UBE3C: variants seen among roughly 807,000 people sequenced by gnomAD.
The protein encoded by UBE3C is ubiquitin-protein ligase E3C.
Under a neutral mutation model 129.4 loss-of-function variants are expected in UBE3C, and 42 were observed. The ratio of observed to expected loss-of-function variants is 0.32; its 90% CI spans 0.25 to 0.42. The LOEUF (loss-of-function observed/expected upper bound fraction) is 0.42, where lower values mean the gene tolerates loss of function less well. Ranked by LOEUF, UBE3C falls within the 10% of genes least tolerant of loss-of-function variation. The pLI, the probability that UBE3C is intolerant of heterozygous loss-of-function variation, is 1.00. For synonymous variants in UBE3C, 510 were observed against 492.4 expected, an observed-to-expected ratio of 1.04 and a Z score of -0.47; for missense variants, 1,049 against 1,319.1, an observed-to-expected ratio of 0.80 and a Z score of 3.17.
At chr7:157,158,050 CTTTTTTTT>C (rs60257662) in intron 1 of UBE3C, among the ~76,000 whole-genome samples, 2,272 of 101,130 alleles carry the variant, frequency 0.022, 66 homozygotes, top group African/African-American at 0.073. Context: ...CTCTTTTTTC[CTTTTTTTT>C]TTTTTTTTTT....
rs1797157250 is a variant in UBE3C, at chr7:157,269,099, A to T, written c.*1344A>T. 6.6e-6 allele frequency: 1 copy of T among 151,176 alleles called. No homozygotes were observed. Among genetic ancestry groups the T allele is most frequent in the South Asian group, 2.1e-4 (1 of 4,834 alleles). The allele number at this position is 151,176 out of a possible 1,614,324, so 9.4% of individuals were successfully genotyped here. A position where few individuals can be genotyped will look rare whatever the true frequency, so the allele number is the denominator to read the frequency against. On this transcript the variant is annotated 3_prime_UTR_variant, in exon 23 of 23. Coordinates refer to ENST00000348165, the MANE Select transcript of UBE3C (RefSeq NM_014671.3). Reference sequence around the variant, plus strand: ...TATAATTTCTTAATTTGAATAATAAATTAAGCGTTTAAATGCTATTTGTAG... The same window carrying T: ...TATAATTTCTTAATTTGAATAATAATTTAAGCGTTTAAATGCTATTTGTAG...
intron 1 of UBE3C, among the ~76,000 whole-genome samples, chr7:157,151,399 T>G (rs1214253172): frequency 6.6e-6 from 1 of 152,216 alleles, no homozygotes; most frequent in Non-Finnish European, 1.5e-5. Flanking sequence ...GTGAGTTCAC[T>G]CGGAGAAGAT....
intron 21 of UBE3C, among the ~76,000 whole-genome samples, chr7:157,255,971 A>T (rs369631343): frequency 6.6e-6 from 1 of 152,104 alleles, no homozygotes; most frequent in African/African-American, 2.4e-5. Context: ...CTAGACACCC[A>T]TTGTCTGTCA....
Position 157,172,218 on chromosome 7 carries a change from T to A in UBE3C, c.342+1768T>A, listed in dbSNP as rs1262716617. On this transcript the variant is annotated intron_variant, in intron 4 of 22. Transcript: ENST00000348165. The stretch of plus-strand genomic sequence containing the variant: ...AGCTTAAATTTTTTTGTATTTTTAG[T>A]AGAGTCAGGTTTCACCATGTTGGCC... Among the ~76,000 whole-genome samples, 5 of 150,516 alleles carry A rather than the reference T, an allele frequency of 3.3e-5. No individual in the cohort carries two copies. The East Asian group carries it at 1.0e-3, about 30-fold the overall frequency.
At chr7:157,162,202 T>G (rs1808089110) in intron 1 of UBE3C, among the ~76,000 whole-genome samples, 1 of 152,182 alleles carries the variant, frequency 6.6e-6, no homozygotes, top group Non-Finnish European at 1.5e-5. Flanking sequence ...TTTAATTTTT[T>G]TTTCTTTTTT....
intron 8 of UBE3C, among the ~76,000 whole-genome samples, chr7:157,183,494 T>C (rs1217154367): frequency 6.6e-6 from 1 of 152,142 alleles, no homozygotes; most frequent in Non-Finnish European, 1.5e-5. Context: ...TTCTCCAGTG[T>C]CCCTCCCACA....
At chr7:157,234,744 G>A (rs1182438) in intron 18 of UBE3C, among the ~76,000 whole-genome samples, 78,542 of 152,058 alleles carry the variant, frequency 0.52, 23,234 homozygotes, top group Non-Finnish European at 0.66. Context: ...TATTTCAGGT[G>A]GCAGATTTCA....
chr7:157,183,768 A>G, intron 8 of UBE3C, 110 bp from the exon 9 acceptor site: 1 of 1,323,758 alleles, frequency 7.6e-7, no homozygotes, highest in Non-Finnish European at 1.0e-6. Flanking sequence ...TTTAAAAATA[A>G]GATCTGGTCA....
In UBE3C at chr7:157,174,817, T is replaced by C. The variant is rs1246849806; in HGVS notation, c.343-102T>C. On this transcript the variant is annotated intron_variant, in intron 4 of 22. Coordinates refer to ENST00000348165, the MANE Select transcript of UBE3C (RefSeq NM_014671.3). ...TTAACCATCTTTTGATTAGGTTTGA[T>C]TAAATGTGCATTGCCACTAAAGGAA... The C allele has an allele frequency of 7.9e-6, 6 of 763,870 alleles. No individual in the cohort carries two copies. The African/African-American group carries it at 1.1e-4, about 14-fold the overall frequency. The allele number at this position is 763,870 out of a possible 1,614,324, so 47.3% of individuals were successfully genotyped here.
intron 3 of UBE3C, 84 bp from the exon 4 acceptor site, chr7:157,170,220 A>C: frequency 8.0e-7 from 1 of 1,242,396 alleles, no homozygotes; most frequent in Non-Finnish European, 1.0e-6. Flanking sequence ...CATTCCTGTA[A>C]ACACAGCAAC....
intron 1 of UBE3C, among the ~76,000 whole-genome samples, chr7:157,162,680 C>T (rs1238545964): frequency 6.6e-6 from 1 of 151,940 alleles, no homozygotes; most frequent in African/African-American, 2.4e-5. Flanking sequence ...GCTGGGACTA[C>T]GGGCACATAC....
chr7:157,148,844 A>G (rs1469478754), intron 1 of UBE3C, among the ~76,000 whole-genome samples: 1 of 145,690 alleles, frequency 6.9e-6, no homozygotes, highest in Non-Finnish European at 1.5e-5. Context: ...CAAACTCCTG[A>G]TCTCCAGCGA....
At chr7:157,241,961 T>G (rs1313460644) in intron 18 of UBE3C, among the ~76,000 whole-genome samples, 1 of 152,148 alleles carries the variant, frequency 6.6e-6, no homozygotes, top group Non-Finnish European at 1.5e-5. Context: ...CAGGAAAATC[T>G]AGAGACAGAA....
intron 4 of UBE3C, among the ~76,000 whole-genome samples, chr7:157,171,976 G>A (rs1808391191): frequency 6.6e-6 from 1 of 150,828 alleles, no homozygotes; most frequent in Admixed American, 6.6e-5. Flanking sequence ...CATAGTGCTG[G>A]GATTACAGGC....
Position 157,207,779 on chromosome 7 carries a change from T to C in UBE3C, c.1653T>C (p.Asp551=). ...TAATGTTGTCTCGATGCCTTCGAGA[T>C]GCATGCCTGGGGATCATCAAGTTGG... is the stretch of plus-strand genomic sequence containing the variant. The part of the protein sequence containing the change: ...ELIMLSRCLR[D]ACLGIIKLAY... The change falls in exon 13 of 23, where the codon GAT becomes GAC. Residue 551 remains aspartate, a synonymous_variant. Coordinates refer to ENST00000348165, the MANE Select transcript of UBE3C (RefSeq NM_014671.3). 1 of 1,614,180 alleles carries C rather than the reference T, an allele frequency of 6.2e-7. No individual in the cohort carries two copies. Among genetic ancestry groups the C allele is most frequent in the Middle Eastern group, 1.6e-4 (1 of 6,062 alleles).
chr7:157,202,380 G>T (rs1809313753), intron 11 of UBE3C, among the ~76,000 whole-genome samples: 1 of 152,194 alleles, frequency 6.6e-6, no homozygotes, highest in Non-Finnish European at 1.5e-5. Context: ...AAGCCGGCCG[G>T]GCGCGGTGGC....
At chr7:157,267,269 A>G (rs934901273) in intron 22 of UBE3C, among the ~76,000 whole-genome samples, 3 of 152,084 alleles carry the variant, frequency 2.0e-5, no homozygotes, top group Non-Finnish European at 4.4e-5. Context: ...GAAAAATCCA[A>G]AAATTAGCCA....
intron 1 of UBE3C, among the ~76,000 whole-genome samples, chr7:157,144,744 A>G (rs1807558811): frequency 6.6e-6 from 1 of 152,130 alleles, no homozygotes; most frequent in Non-Finnish European, 1.5e-5. Context: ...AATCAAGCAG[A>G]GGGTAGGGTT....
At chr7:157,180,487 A>G (rs771013104) in intron 6 of UBE3C, among the ~76,000 whole-genome samples, 7 of 152,166 alleles carry the variant, frequency 4.6e-5, no homozygotes, top group Non-Finnish European at 7.3e-5. Context: ...AGTACTGAGT[A>G]TGCATTGTTT....
Sources: allele counts gnomAD v4.1 joint callset (sites outside exome capture counted in the v4.1 genomes callset), GRCh38; gene constraint gnomAD v4.1.1; transcripts MANE v1.5; gene names NCBI Gene and HGNC (gene_info 2026-07-23, HGNC 2026-07-21).